SLC3A2: variants seen among roughly 807,000 people sequenced by gnomAD.
SLC3A2 encodes solute carrier family 3 member 2, also known as amino acid transporter heavy chain SLC3A2.
A neutral mutation model predicts 48.5 loss-of-function variants in SLC3A2; 32 were observed. The ratio of observed to expected loss-of-function variants is 0.66; its 90% confidence interval spans 0.50 to 0.89. The LOEUF (loss-of-function observed/expected upper bound fraction) is 0.89. Among genes scored for constraint, SLC3A2 ranks in the 40% least tolerant of loss-of-function variants. SLC3A2 has a pLI of 0.00. For missense variants in SLC3A2, 587 were observed against 680.7 expected, an observed-to-expected ratio of 0.86 and a Z score of 1.53; for synonymous variants, 277 against 288.8, an observed-to-expected ratio of 0.96 and a Z score of 0.41.
At chr11:62,875,078 T>A (rs2085557295) in intron 1 of SLC3A2, among the ~76,000 whole-genome samples, 1 of 152,198 alleles carries the variant, frequency 6.6e-6, no homozygotes, top group Admixed American at 6.6e-5. Context: ...TTCAAATGGC[T>A]AAAATCTTCA....
In SLC3A2 at chr11:62,882,981, T is replaced by C. The variant is rs141579636; in HGVS notation, c.672T>C (p.Thr224=). The C allele has an allele frequency of 1.2e-6, 2 of 1,614,054 alleles. No individual in the cohort carries two copies. The highest frequency in any genetic ancestry group is 2.7e-5 in the African/African-American group (2 of 74,914). The stretch of plus-strand genomic sequence containing the variant: ...CGTGGTTCTCCACTCAGGTTGACAC[T>C]GTGGCCACCAAGGTGAAGGTGAGTG... ...ENSWFSTQVD[T]VATKVKDALE... is the part of the protein sequence containing the mutation. The change falls in exon 3 of 9, where the codon ACT becomes ACC. Residue 224 remains threonine (T), a synonymous_variant. Coordinates refer to ENST00000338663, the MANE Select transcript of SLC3A2 (RefSeq NM_001013251.3).
chr11:62,873,186 C>T lies in SLC3A2; in HGVS notation c.113-7833C>T, dbSNP rs557503984. Among the ~76,000 whole-genome samples the T allele has an allele frequency of 1.1e-4, 16 of 151,870 alleles. No individual in the cohort carries two copies. In the East Asian group the frequency reaches 2.9e-3, roughly 28 times the overall value. ...TACAGGCATGTGCAACCACACTCAG[C>T]TAATTTAAAAAATTTTTTGTGGCCG... On this transcript the variant is annotated intron_variant, in intron 1 of 9. Transcript: ENST00000377889.
chr11:62,873,544 C>T (rs551747618), intron 1 of SLC3A2, among the ~76,000 whole-genome samples: 1 of 152,082 alleles, frequency 6.6e-6, no homozygotes, highest in Non-Finnish European at 1.5e-5. Context: ...CCAATCTGGT[C>T]TTGAACTCCT....
intron 4 of SLC3A2, 26 bp downstream of exon 4, chr11:62,884,551 C>T: frequency 6.8e-6 from 11 of 1,613,986 alleles, no homozygotes; most frequent in Admixed American, 1.7e-5. Context: ...ACATTAGGGA[C>T]AAAGCTTGGG....
chr11:62,881,551 A>G lies in SLC3A2; in HGVS notation c.424+104A>G. 7.1e-7 allele frequency: 1 copy of G among 1,417,546 alleles called. No homozygotes were observed. The highest frequency in any genetic ancestry group is 1.4e-5 in the South Asian group (1 of 69,434). The allele number at this position is 1,417,546 out of a possible 1,614,324, so 87.8% of individuals were successfully genotyped here. A position where few individuals can be genotyped will look rare whatever the true frequency, so the allele number is the denominator to read the frequency against. On this transcript the variant is annotated intron_variant, in intron 1 of 8. Coordinates refer to ENST00000338663, the MANE Select transcript of SLC3A2 (RefSeq NM_001013251.3). This position sits in a 1 kb window ranked among gnomAD's most constrained non-coding sequence, Gnocchi z 4.0. ...ACGGATCTAGATGGTTCTTCCCTCC[A>G]TCCCGTACCGACGACTGTTCCCCCT...
At chr11:62,856,785 C>T (rs1343632505) in intron 1 of SLC3A2, among the ~76,000 whole-genome samples, 1 of 151,818 alleles carries the variant, frequency 6.6e-6, no homozygotes, top group Admixed American at 6.6e-5. Context: ...TTGTGGTAAA[C>T]ATCTACGTGT....
At chr11:62,860,017 G>T (rs1590614384) in intron 1 of SLC3A2, among the ~76,000 whole-genome samples, 1 of 152,158 alleles carries the variant, frequency 6.6e-6, no homozygotes, top group East Asian at 1.9e-4. Context: ...AGTATTTATT[G>T]ATCACTATCT....
At chr11:62,870,710 A>G (rs1391707595) in intron 1 of SLC3A2, 2 of 155,048 alleles carry the variant, frequency 1.3e-5, no homozygotes, top group Non-Finnish European at 2.7e-5. Flanking sequence ...TACTTTATAC[A>G]TTATTATTAT....
intron 7 of SLC3A2, chr11:62,887,918 C>T (rs977653583): frequency 3.5e-5 from 16 of 453,084 alleles, no homozygotes; most frequent in African/African-American, 3.0e-4. Flanking sequence ...TCAGCCTCCC[C>T]AGTATCTGGG....
At chr11:62,862,934 C>A (rs1012589253) in intron 1 of SLC3A2, among the ~76,000 whole-genome samples, 1 of 152,110 alleles carries the variant, frequency 6.6e-6, no homozygotes, top group African/African-American at 2.4e-5. Flanking sequence ...GGCTCAAATT[C>A]TTTTTGAGAT....
At position 62,888,813 on chromosome 11, in the gene SLC3A2, A is replaced by C; in HGVS notation, c.*120A>C. On this transcript the variant is annotated 3_prime_UTR_variant, in exon 9 of 9. Coordinates refer to ENST00000338663, the MANE Select transcript of SLC3A2 (RefSeq NM_001013251.3). ...GTTGCAGATTATGAGTGAACCCCCA[A>C]ATAGGGTGTTTTCTGCCTTCAAATA... is the stretch of plus-strand genomic sequence containing the variant. The C allele has an allele frequency of 2.1e-6, 2 of 963,776 alleles. No individual in the cohort carries two copies. Among genetic ancestry groups the C allele is most frequent in the Non-Finnish European group, 3.0e-6 (2 of 663,040 alleles). The allele number at this position is 963,776 out of a possible 1,614,324, so 59.7% of individuals were successfully genotyped here. A position where few individuals can be genotyped will look rare whatever the true frequency, so the allele number is the denominator to read the frequency against.
chr11:62,882,148 C>T (rs893174165), intron 2 of SLC3A2, 82 bp downstream of exon 2: 14 of 1,517,652 alleles, frequency 9.2e-6, no homozygotes, highest in Non-Finnish European at 1.3e-5. Context: ...TGTCTGGTTT[C>T]CTGCTAACTG....
At chr11:62,869,753 TTGTC>T (rs1166901411) in intron 1 of SLC3A2, among the ~76,000 whole-genome samples, 4 of 151,966 alleles carry the variant, frequency 2.6e-5, no homozygotes, top group Non-Finnish European at 5.9e-5. Flanking sequence ...CACAATTTAT[TTGTC>T]TTTTTCTTCA....
rs754585041 is a variant in SLC3A2 at position 62,881,943 on chromosome 11, G to C, written c.475G>C (p.Val159Leu). The C allele has an allele frequency of 6.2e-7, 1 of 1,614,164 alleles. No individual in the cohort carries two copies. Among genetic ancestry groups the C allele is most frequent in the Non-Finnish European group, 8.5e-7 (1 of 1,180,032 alleles). ...GAGCTCTCTGAAGGTGAAGGGCCTT[G>C]TGCTGGGTCCAATTCACAAGAACCA... ...YLSSLKVKGL[V>L]LGPIHKNQKD... Residue 159 changes from valine to leucine, a missense_variant, in exon 2 of 9, where the codon GTG (valine) becomes CTG (leucine). Coordinates refer to ENST00000338663, the MANE Select transcript of SLC3A2 (RefSeq NM_001013251.3). This position sits in a 1 kb window ranked among gnomAD's most constrained non-coding sequence, Gnocchi z 4.0.
In SLC3A2 at chr11:62,873,475, C is replaced by T. The variant is rs182540820; in HGVS notation, c.113-7544C>T. On this transcript the variant is annotated intron_variant, in intron 1 of 9. Transcript: ENST00000377889. ...CTGCACACCAGCCAGGGTGACAGTG[C>T]GAAACTCTGTCTCAAAAAAAAAAAA... Among the ~76,000 whole-genome samples, 1,378 of 150,114 alleles carry T rather than the reference C, an allele frequency of 9.2e-3. 20 individuals carry two copies. Among genetic ancestry groups the T allele is most frequent in the African/African-American group, 0.033 (1,328 of 40,722 alleles).
intron 7 of SLC3A2, among the ~76,000 whole-genome samples, chr11:62,887,023 C>G (rs964220136): frequency 6.6e-6 from 1 of 152,154 alleles, no homozygotes; most frequent in Non-Finnish European, 1.5e-5. Context: ...CAGGTGCGAG[C>G]CACTGCACCC....
chr11:62,865,561 CAAAAAA>C (rs35320203), intron 1 of SLC3A2, among the ~76,000 whole-genome samples: 4 of 86,910 alleles, frequency 4.6e-5, no homozygotes, highest in Non-Finnish European at 6.1e-5. Flanking sequence ...GTCTCCCCCA[CAAAAAA>C]AAAAAAAAAA....
chr11:62,881,431 C>T lies in SLC3A2; in HGVS notation c.408C>T (p.Gly136=), dbSNP rs760972048. ...IGDLQAFQGH[G]AGNLAGLKGR... is the part of the protein sequence containing the mutation. ...ACCTTCAGGCCTTCCAGGGCCACGG[C>T]GCGGGCAACCTGGCGGGTGAGTGCA... Residue 136 remains glycine (G), a synonymous_variant, in exon 1 of 9, where the codon GGC becomes GGT. Transcript: ENST00000338663. This position sits in a 1 kb window ranked among gnomAD's most constrained non-coding sequence, Gnocchi z 4.0. 3.2e-6 allele frequency: 5 copies of T among 1,586,076 alleles called. No individual in the cohort carries two copies. Among genetic ancestry groups the T allele is most frequent in the Non-Finnish European group, 3.4e-6 (4 of 1,173,790 alleles).
At chr11:62,858,940 A>G (rs1259941973) in intron 1 of SLC3A2, among the ~76,000 whole-genome samples, 2 of 152,224 alleles carry the variant, frequency 1.3e-5, no homozygotes, top group Non-Finnish European at 2.9e-5. Context: ...TGGAACGTAC[A>G]ATCGGGTTTT....
Sources: allele counts gnomAD v4.1 joint callset (sites outside exome capture counted in the v4.1 genomes callset), GRCh38; gene constraint gnomAD v4.1.1; non-coding constraint Gnocchi (gnomAD v3.1); transcripts MANE v1.5; gene names NCBI Gene and HGNC (gene_info 2026-07-23, HGNC 2026-07-21).